COL24A1: variants seen among roughly 807,000 people sequenced by gnomAD.
COL24A1 encodes collagen alpha-1(XXIV) chain.
A neutral mutation model predicts 253.9 loss-of-function variants in COL24A1; 224 were observed. The observed-to-expected ratio is 0.88, with a 90% CI of 0.79 to 0.99. The LOEUF is 0.99. COL24A1 is among the 50% of genes least tolerant of loss of function. COL24A1 has a pLI of 0.00. For missense variants in COL24A1, 2,131 were observed against 2,068.5 expected, an observed-to-expected ratio of 1.03 and a Z score of -0.59; for synonymous variants, 685 against 673.7, an observed-to-expected ratio of 1.02 and a Z score of -0.26.
intron 47 of COL24A1, among the ~76,000 whole-genome samples, chr1:85,810,944 C>A (rs1290197670): frequency 6.6e-6 from 1 of 152,158 alleles, no homozygotes. Flanking sequence ...CAGCTCCCTC[C>A]TGAATTATTT....
intron 27 of COL24A1, among the ~76,000 whole-genome samples, chr1:85,907,499 C>T (rs1684957169): frequency 6.6e-6 from 1 of 151,906 alleles, no homozygotes; most frequent in African/African-American, 2.4e-5. Context: ...TTAATATTCA[C>T]TGACCAAGTC....
intron 5 of COL24A1, among the ~76,000 whole-genome samples, chr1:86,104,882 G>A (rs1571931716): frequency 6.6e-6 from 1 of 152,248 alleles, no homozygotes; most frequent in East Asian, 1.9e-4. Flanking sequence ...CCGAGTGGCA[G>A]GATGCTAGCG....
intron 51 of COL24A1, among the ~76,000 whole-genome samples, chr1:85,782,867 T>C (rs988382407): frequency 3.9e-5 from 6 of 152,126 alleles, no homozygotes; most frequent in Non-Finnish European, 8.8e-5. Flanking sequence ...ATCTCATCAA[T>C]TAGAAAGCTT....
At chr1:86,154,222 T>C (rs1653175463) in intron 1 of COL24A1, 1 of 151,628 alleles carries the variant, frequency 6.6e-6, no homozygotes, top group Admixed American at 6.6e-5. Context: ...TTATGAAAAT[T>C]GGATTTTCTA....
chr1:86,041,388 C>T (rs1372555358), intron 12 of COL24A1, among the ~76,000 whole-genome samples: 3 of 152,080 alleles, frequency 2.0e-5, no homozygotes, highest in African/African-American at 7.2e-5. Context: ...TATTTTCAAT[C>T]CTGGCAAGTC....
chr1:86,020,543 C>A (rs962135206), intron 18 of COL24A1, among the ~76,000 whole-genome samples: 1 of 152,010 alleles, frequency 6.6e-6, no homozygotes, highest in Non-Finnish European at 1.5e-5. Context: ...GAGTAAGGAA[C>A]ACTAAAATGG....
chr1:86,066,757 T>C (rs540418488), intron 7 of COL24A1, among the ~76,000 whole-genome samples: 1 of 152,328 alleles, frequency 6.6e-6, no homozygotes, highest in East Asian at 1.9e-4. Flanking sequence ...TTTTATTGCT[T>C]AAATCCTGTG....
At chr1:86,149,232 C>T (rs962060775) in intron 1 of COL24A1, among the ~76,000 whole-genome samples, 1 of 152,108 alleles carries the variant, frequency 6.6e-6, no homozygotes, top group African/African-American at 2.4e-5. Flanking sequence ...TTGGATCTTT[C>T]TCTCCTTGCC....
intron 24 of COL24A1, among the ~76,000 whole-genome samples, chr1:85,920,104 T>C (rs951110145): frequency 6.6e-6 from 1 of 152,190 alleles, no homozygotes; most frequent in Non-Finnish European, 1.5e-5. Context: ...GATATAGAGA[T>C]GAGTAAAATA....
chr1:85,815,820 T>C (rs747503067), intron 47 of COL24A1, among the ~76,000 whole-genome samples: 12 of 152,168 alleles, frequency 7.9e-5, no homozygotes, highest in Non-Finnish European at 1.3e-4. Flanking sequence ...ATTCGTCTAA[T>C]GTTTAAAGTA....
At chr1:85,939,692 T>C (rs1272344840) in intron 24 of COL24A1, among the ~76,000 whole-genome samples, 1 of 152,192 alleles carries the variant, frequency 6.6e-6, no homozygotes, top group Non-Finnish European at 1.5e-5. Flanking sequence ...AAGTTTTTTT[T>C]GGAATATTTA....
intron 53 of COL24A1, among the ~76,000 whole-genome samples, chr1:85,773,738 T>A (rs2101388026): frequency 6.6e-6 from 1 of 152,346 alleles, no homozygotes; most frequent in African/African-American, 2.4e-5. Context: ...GAGACTTTGC[T>A]GAAGTTGCTT....
intron 47 of COL24A1, among the ~76,000 whole-genome samples, chr1:85,793,197 C>T (rs1371766818): frequency 1.3e-5 from 2 of 152,090 alleles, no homozygotes; most frequent in Non-Finnish European, 2.9e-5. Context: ...ATTTTCCTCA[C>T]ATTCCAAAAC....
At chr1:85,791,691 G>A (rs1336689035) in intron 47 of COL24A1, among the ~76,000 whole-genome samples, 2 of 151,990 alleles carry the variant, frequency 1.3e-5, no homozygotes, top group African/African-American at 2.4e-5. Flanking sequence ...AAAATCATAC[G>A]CTCATGAATT....
At chr1:86,044,143 T>C (rs1699724091) in intron 12 of COL24A1, among the ~76,000 whole-genome samples, 1 of 152,222 alleles carries the variant, frequency 6.6e-6, no homozygotes, top group South Asian at 2.1e-4. Flanking sequence ...CTTTTACTGT[T>C]ATTAAAACAG....
At chr1:85,736,615 G>A (rs1301105652) in intron 58 of COL24A1, 5 of 404,938 alleles carry the variant, frequency 1.2e-5, no homozygotes, top group Admixed American at 5.3e-5. Context: ...GTTTTAGGAG[G>A]AGAGGGCGGT....
rs1284693498 is a variant in COL24A1, at chr1:86,049,628, C to T, written c.1905+496G>A. ...GCAATGCCATAACTCCCATAATTAA[C>T]TTCATTAATCTTTTTAGTATAACAA... On this transcript the variant is annotated intron_variant, in intron 11 of 59. Coordinates refer to ENST00000370571, the MANE Select transcript of COL24A1 (RefSeq NM_152890.7). Among the ~76,000 whole-genome samples, 6 of 152,076 alleles carry T rather than the reference C, an allele frequency of 3.9e-5. No homozygotes were observed. In the East Asian group the frequency reaches 5.8e-4, roughly 15 times the overall value.
At chr1:85,845,852 T>A (rs909901877) in intron 39 of COL24A1, among the ~76,000 whole-genome samples, 39 of 151,646 alleles carry the variant, frequency 2.6e-4, no homozygotes, top group African/African-American at 8.5e-4. Flanking sequence ...CAGATTTGAG[T>A]AAATAAAAAG....
chr1:85,766,019 T>C (rs1389448766), intron 53 of COL24A1, among the ~76,000 whole-genome samples: 1 of 152,126 alleles, frequency 6.6e-6, no homozygotes, highest in African/African-American at 2.4e-5. Context: ...CTACATGTTA[T>C]CTGCTAGGTT....
Sources: allele counts gnomAD v4.1 joint callset (sites outside exome capture counted in the v4.1 genomes callset), GRCh38; gene constraint gnomAD v4.1.1; transcripts MANE v1.5; gene names NCBI Gene and HGNC (gene_info 2026-07-23, HGNC 2026-07-21).